ACACA: variants seen among roughly 807,000 people sequenced by gnomAD.
The protein encoded by ACACA is acetyl-CoA carboxylase 1.
In ACACA, 103 loss-of-function variants were observed where a neutral mutation model predicts 296.1. The ratio of observed to expected loss-of-function variants is 0.35; its 90% CI spans 0.30 to 0.41. The LOEUF (loss-of-function observed/expected upper bound fraction) is 0.41, where lower values mean the gene tolerates loss of function less well. Among genes scored for constraint, ACACA ranks in the 10% least tolerant of loss-of-function variants. The pLI is 1.00. For missense variants in ACACA, 1,554 were observed against 2,989.7 expected, an observed-to-expected ratio of 0.52 and a Z score of 11.20; for synonymous variants, 953 against 1,038.6, an observed-to-expected ratio of 0.92 and a Z score of 1.58.
chr17:37,141,282 C>T lies in ACACA; in HGVS notation c.5679+8582G>A, dbSNP rs924598424. ...TCTTCATGTCCTTGACCAGGTGGCC[C>T]AACTTGGTCATCCATTCCTTGCCCT... On this transcript the variant is annotated intron_variant, in intron 45 of 55. Transcript: ENST00000616317. 4 of 551,850 alleles carry T rather than the reference C, an allele frequency of 7.2e-6. No homozygotes were observed. In the East Asian group the frequency reaches 1.4e-4, roughly 19 times the overall value. The allele number at this position is 551,850 out of a possible 1,614,324, so 34.2% of individuals were successfully genotyped here.
At chr17:37,191,928 T>C (rs1309720642) in intron 37 of ACACA, among the ~76,000 whole-genome samples, 162 bp downstream of exon 37, 1 of 152,216 alleles carries the variant, frequency 6.6e-6, no homozygotes, top group Non-Finnish European at 1.5e-5. Context: ...ATATTTACTT[T>C]TGTAAACATT....
chr17:37,334,722 C>T (rs1300103889), intron 2 of ACACA, among the ~76,000 whole-genome samples: 1 of 151,888 alleles, frequency 6.6e-6, no homozygotes, highest in African/African-American at 2.4e-5. Flanking sequence ...CTTTCACTCT[C>T]ACTGCACCCC....
chr17:37,253,669 C>T (rs1012353794), intron 14 of ACACA, among the ~76,000 whole-genome samples: 15 of 152,180 alleles, frequency 9.9e-5, no homozygotes, highest in Non-Finnish European at 1.9e-4. Flanking sequence ...TCAGCTTTTA[C>T]TTACTAAGTT....
chr17:37,134,452 C>T (rs2075248092), intron 45 of ACACA, among the ~76,000 whole-genome samples: 1 of 152,170 alleles, frequency 6.6e-6, no homozygotes, highest in South Asian at 2.1e-4. Context: ...ATTGAGATTT[C>T]CAAGTTTCAC....
chr17:37,342,436 A>AAAAATAT (rs1555652530), intron 1 of ACACA, among the ~76,000 whole-genome samples: 9 of 58,210 alleles, frequency 1.5e-4, no homozygotes, highest in Admixed American at 7.3e-4. Flanking sequence ...AAAAAAAAAA[A>AAAAATAT]ATATATATAT....
At chr17:37,372,035 A>G (rs1004794505) in intron 1 of ACACA, among the ~76,000 whole-genome samples, 1 of 152,220 alleles carries the variant, frequency 6.6e-6, no homozygotes. Flanking sequence ...TCGGCAACAT[A>G]CTGAGACCCT....
At position 37,128,024 on chromosome 17, in the gene ACACA, C is replaced by CAAA. The variant is rs1173864454; in HGVS notation, c.5944+1338_5944+1340dup. On this transcript the variant is annotated intron_variant, in intron 47 of 55. Coordinates refer to ENST00000616317, the MANE Select transcript of ACACA (RefSeq NM_198834.3). Reference sequence around the variant, plus strand: ...GGAGGACAAGAGTGAAACTCCATCTCAAAAAAAAAAAAAAAAAAAAAAAAA... The same window carrying CAAA: ...GGAGGACAAGAGTGAAACTCCATCTCAAAAAAAAAAAAAAAAAAAAAAAAAAAA... Among the ~76,000 whole-genome samples the CAAA allele has an allele frequency of 8.6e-4, 34 of 39,738 alleles. 4 individuals are homozygous for CAAA. Among genetic ancestry groups the CAAA allele is most frequent in the African/African-American group, 1.7e-3 (16 of 9,588 alleles). 26.1% of individuals were successfully genotyped at this position (39,738 alleles called of 152,430 possible). A position where few individuals can be genotyped will look rare whatever the true frequency, so the allele number is the denominator to read the frequency against.
At chr17:37,402,854 A>G (rs1386076830) in intron 1 of ACACA, among the ~76,000 whole-genome samples, 2 of 151,848 alleles carry the variant, frequency 1.3e-5, no homozygotes, top group Non-Finnish European at 2.9e-5. Flanking sequence ...TTGTATTTTT[A>G]GTTGAGATGG....
Position 37,275,955 on chromosome 17 carries a change from G to A in ACACA, c.897C>T (p.Gly299=). 6.2e-7 allele frequency: 1 copy of A among 1,613,448 alleles called. No homozygotes were observed. The highest frequency in any genetic ancestry group is 8.5e-7 in the Non-Finnish European group (1 of 1,179,356). Residue 299 remains glycine, a synonymous_variant, in exon 8 of 56, where the codon GGC becomes GGT. Coordinates refer to ENST00000616317, the MANE Select transcript of ACACA (RefSeq NM_198834.3). ...TAGIPTLPWS[G]SGLRVDWQEN... ...AAACAAGAATTCAGTTCTTACCACTGCCGCTCCAGGGAAGAGTTGGGATAC... is the reference window on the plus strand; with the variant it reads ...AAACAAGAATTCAGTTCTTACCACTACCGCTCCAGGGAAGAGTTGGGATAC...
intron 45 of ACACA, among the ~76,000 whole-genome samples, chr17:37,145,706 T>C (rs1279813988): frequency 6.6e-6 from 1 of 152,168 alleles, no homozygotes; most frequent in East Asian, 1.9e-4. Context: ...CCTGATACCA[T>C]TAGCCCATTC....
chr17:37,386,119 A>T, intron 1 of ACACA: 1 of 1,550,972 alleles, frequency 6.4e-7, no homozygotes. Flanking sequence ...GAAAACTACA[A>T]GTACCGGTAA....
At chr17:37,094,992 A>G (rs926510240) in intron 54 of ACACA, among the ~76,000 whole-genome samples, 2 of 152,248 alleles carry the variant, frequency 1.3e-5, no homozygotes, top group African/African-American at 4.8e-5. Flanking sequence ...CTCCATTGAT[A>G]AGAGACGGCA....
At chr17:37,282,093 G>A (rs2146570123) in intron 5 of ACACA, among the ~76,000 whole-genome samples, 1 of 152,310 alleles carries the variant, frequency 6.6e-6, no homozygotes, top group East Asian at 1.9e-4. Context: ...CCCAGTCTCG[G>A]AAATGGGGCC....
At chr17:37,200,088 G>T in intron 35 of ACACA, 51 bp downstream of exon 35, 1 of 1,333,066 alleles carries the variant, frequency 7.5e-7, no homozygotes, top group Non-Finnish European at 1.1e-6. Context: ...ATAATCAGTG[G>T]CAGACAAATA....
In ACACA at chr17:37,097,692, A is replaced by T; in HGVS notation, c.6720+138T>A. 1 of 1,047,324 alleles carries T rather than the reference A, an allele frequency of 9.5e-7. No individual in the cohort carries two copies. Among genetic ancestry groups the T allele is most frequent in the Non-Finnish European group, 1.4e-6 (1 of 718,034 alleles). The allele number at this position is 1,047,324 out of a possible 1,614,324, so 64.9% of individuals were successfully genotyped here. On this transcript the variant is annotated intron_variant, in intron 53 of 55. Coordinates refer to ENST00000616317, the MANE Select transcript of ACACA (RefSeq NM_198834.3). This position sits in a 1 kb window ranked among gnomAD's most constrained non-coding sequence, Gnocchi z 4.8. ...TACAGAAACAGTGAAAATCTAAAAA[A>T]TATTGAAAATGTTTTGATCTGCAGA... is the stretch of plus-strand genomic sequence containing the variant.
At chr17:37,375,653 TC>T (rs1310041935) in intron 1 of ACACA, among the ~76,000 whole-genome samples, 4 of 152,186 alleles carry the variant, frequency 2.6e-5, no homozygotes, top group Non-Finnish European at 4.4e-5. Flanking sequence ...TTTCTATAAT[TC>T]CTGCTCTAGA....
At chr17:37,192,448 G>A (rs2077798812) in intron 36 of ACACA, 143 bp from the exon 37 acceptor site, 10 of 764,368 alleles carry the variant, frequency 1.3e-5, no homozygotes, top group Non-Finnish European at 2.2e-5. Context: ...CTACATTCAA[G>A]GCTAATGCTA....
intron 1 of ACACA, among the ~76,000 whole-genome samples, chr17:37,352,703 G>A (rs956347465): frequency 6.6e-6 from 1 of 151,682 alleles, no homozygotes; most frequent in Admixed American, 6.6e-5. Context: ...ACACTCCAGT[G>A]AGGGTGACAG....
chr17:37,179,300 C>T lies in ACACA; in HGVS notation c.5039G>A (p.Gly1680Asp), dbSNP rs1171975487. ...AAGCCTGTTCATGTGGACCAGCTGA[C>T]CTTGATCATCCAGTACCAGTTCAGT... ...TYTELVLDDQ[G>D]QLVHMNRLPG... The change falls in exon 41 of 56, where the codon GGT becomes GAT. Residue 1680 changes from glycine to aspartate, a missense_variant. By Grantham distance (94) the Gly-to-Asp change is moderately conservative. Transcript: ENST00000616317. 1.9e-6 allele frequency: 3 copies of T among 1,614,108 alleles called. No homozygotes were observed. Among genetic ancestry groups the T allele is most frequent in the Non-Finnish European group, 2.5e-6 (3 of 1,180,016 alleles).
Sources: allele counts gnomAD v4.1 joint callset (sites outside exome capture counted in the v4.1 genomes callset), GRCh38; gene constraint gnomAD v4.1.1; non-coding constraint Gnocchi (gnomAD v3.1); transcripts MANE v1.5; gene names NCBI Gene and HGNC (gene_info 2026-07-23, HGNC 2026-07-21).